The following RANBP2 variants were observed in gnomAD, a reference collection of about 807,000 sequenced individuals.
RANBP2 encodes RAN binding protein 2, also known as E3 SUMO-protein ligase RanBP2.
A neutral mutation model predicts 303.6 loss-of-function variants in RANBP2; 57 were observed. The observed-to-expected ratio is 0.19, with a 90% CI of 0.15 to 0.23. The LOEUF is 0.23. Ranked by LOEUF, RANBP2 falls within the 10% of genes least tolerant of loss-of-function variation. RANBP2 has a pLI of 1.00. For synonymous variants in RANBP2, 1,167 were observed against 1,301.5 expected, an observed-to-expected ratio of 0.90 and a Z score of 2.23; for missense variants, 3,138 against 3,780.8, an observed-to-expected ratio of 0.83 and a Z score of 4.46.
At chr2:109,350,203 G>C in the RANBP2 span, among the ~76,000 whole-genome samples, 1 of 152,188 alleles carries the variant, frequency 6.6e-6, no homozygotes, top group African/African-American at 2.4e-5. Flanking sequence ...AGCCGAGCAG[G>C]GGTCCATCTG....
At chr2:109,484,067 C>CT in the RANBP2 span, among the ~76,000 whole-genome samples, 1,027 of 94,326 alleles carry the variant, frequency 0.011, 11 homozygotes, top group African/African-American at 0.019. Flanking sequence ...TCTGGCCTTT[C>CT]TTTTTTTTTT....
the RANBP2 span, among the ~76,000 whole-genome samples, chr2:109,698,648 C>T: frequency 2.0e-5 from 3 of 150,954 alleles, no homozygotes; most frequent in African/African-American, 7.3e-5. Flanking sequence ...AGATTTTCCT[C>T]CTAGTTGTGG....
At chr2:109,279,337 C>T in the RANBP2 span, among the ~76,000 whole-genome samples, 3 of 152,190 alleles carry the variant, frequency 2.0e-5, no homozygotes, top group Non-Finnish European at 4.4e-5. Context: ...AGTGAAGGTT[C>T]AAGCACACTG....
At chr2:108,919,779 C>T in the RANBP2 span, among the ~76,000 whole-genome samples, 2 of 152,024 alleles carry the variant, frequency 1.3e-5, no homozygotes, top group Non-Finnish European at 2.9e-5. Flanking sequence ...CTCCGTGGGG[C>T]ACCTGCCCTC....
the RANBP2 span, chr2:109,449,272 C>T: frequency 1.2e-6 from 2 of 1,611,704 alleles, no homozygotes; most frequent in Non-Finnish European, 1.7e-6. Context: ...AGCCTCAGGC[C>T]CCACTCGGTG....
the RANBP2 span, among the ~76,000 whole-genome samples, chr2:109,008,356 T>C: frequency 9.9e-5 from 15 of 152,212 alleles, no homozygotes; most frequent in Non-Finnish European, 1.3e-4. Context: ...ATGGAAGTGG[T>C]AAGGAGATAC....
the RANBP2 span, among the ~76,000 whole-genome samples, chr2:109,418,432 C>G: frequency 3.2e-4 from 49 of 152,280 alleles, no homozygotes; most frequent in South Asian, 5.4e-3. Context: ...CCTCCTGAGG[C>G]TGAGGGGAGT....
the RANBP2 span, among the ~76,000 whole-genome samples, chr2:109,550,181 T>C: frequency 6.6e-6 from 1 of 151,626 alleles, no homozygotes; most frequent in Non-Finnish European, 1.5e-5. Flanking sequence ...TCCCAGCTAC[T>C]CGGGAGGCTG....
At chr2:109,098,836 T>C in the RANBP2 span, among the ~76,000 whole-genome samples, 1 of 152,218 alleles carries the variant, frequency 6.6e-6, no homozygotes, top group South Asian at 2.1e-4. Context: ...AGTGACTGTA[T>C]TTCCTGTAAT....
the RANBP2 span, chr2:109,613,858 G>A: frequency 6.5e-6 from 8 of 1,233,776 alleles, no homozygotes; most frequent in Non-Finnish European, 5.1e-6. Flanking sequence ...TGAAGCGGCT[G>A]TATCAGCCCG....
chr2:109,196,107 G>A, the RANBP2 span, among the ~76,000 whole-genome samples: 2 of 152,240 alleles, frequency 1.3e-5, no homozygotes, highest in Non-Finnish European at 2.9e-5. Context: ...CTCCTTTAAT[G>A]GGACGAGGGA....
chr2:108,912,836 T>G, the RANBP2 span: 1 of 1,279,296 alleles, frequency 7.8e-7, no homozygotes, highest in Non-Finnish European at 1.1e-6. Flanking sequence ...ACAGAGCTCA[T>G]GGATCTGGAT....
At chr2:109,616,186 G>T in the RANBP2 span, 1 of 1,373,054 alleles carries the variant, frequency 7.3e-7, no homozygotes, top group Non-Finnish European at 9.4e-7. Flanking sequence ...TTGAGGGATC[G>T]GAATGGATGG....
chr2:109,214,658 T>TG, the RANBP2 span, among the ~76,000 whole-genome samples: 1 of 152,110 alleles, frequency 6.6e-6, no homozygotes, highest in Non-Finnish European at 1.5e-5. Flanking sequence ...CTGACACTCT[T>TG]GCTGGCATCT....
the RANBP2 span, among the ~76,000 whole-genome samples, chr2:109,270,248 G>A: frequency 1.3e-5 from 2 of 152,228 alleles, no homozygotes; most frequent in African/African-American, 4.8e-5. Context: ...TGGTTAGGCT[G>A]GAACACCTGA....
chr2:109,541,095 T>C, the RANBP2 span, among the ~76,000 whole-genome samples: 1 of 152,154 alleles, frequency 6.6e-6, no homozygotes, highest in Non-Finnish European at 1.5e-5. Context: ...TTAAAACCAG[T>C]TTTCCTATTA....
Position 108,763,410 on chromosome 2 carries a change from G to A in RANBP2, c.2871G>A (p.Arg957=). 3 of 1,613,946 alleles carry A rather than the reference G, an allele frequency of 1.9e-6. No individual in the cohort carries two copies. The highest frequency in any genetic ancestry group is 1.1e-5 in the South Asian group (1 of 91,076). ...ESPATGILSP[R]GDDYFNYNVQ... ...CTGCAACGGGAATTCTATCGCCCAG[G>A]GGTGATGATTACTTTAATTACAATG... The change falls in exon 20 of 29, where the codon AGG becomes AGA. Residue 957 remains arginine (R), a synonymous_variant. Transcript: ENST00000283195.
the RANBP2 span, among the ~76,000 whole-genome samples, chr2:109,446,040 C>T: frequency 6.6e-6 from 1 of 152,258 alleles, no homozygotes; most frequent in East Asian, 1.9e-4. Context: ...CTTCATCTGT[C>T]AGCTTGACTT....
the RANBP2 span, among the ~76,000 whole-genome samples, chr2:108,827,449 A>AT: frequency 6.6e-6 from 1 of 152,222 alleles, no homozygotes; most frequent in Non-Finnish European, 1.5e-5. Context: ...TAATCAAGGG[A>AT]TTTTGCATGT....
Sources: gnomAD v4.1 joint callset for allele counts (sites outside exome capture counted in the v4.1 genomes callset) on GRCh38, gnomAD v4.1.1 for gene constraint, MANE v1.5 for transcripts, NCBI Gene and HGNC (gene_info 2026-07-23, HGNC 2026-07-21) for gene names.